Variants in SUMF1 observed in about 807,000 individuals in gnomAD.
SUMF1 encodes the protein sulfatase modifying factor 1.
A neutral mutation model predicts 47.6 loss-of-function variants in SUMF1; 48 were observed. The ratio of observed to expected loss-of-function variants is 1.01; its 90% CI spans 0.80 to 1.28. SUMF1 has a LOEUF of 1.28. Among genes scored for constraint, SUMF1 ranks in the 50% most tolerant of loss-of-function variants. The pLI is 0.00. For synonymous variants in SUMF1, 230 were observed against 192.1 expected, an observed-to-expected ratio of 1.20 and a Z score of -1.63; for missense variants, 571 against 485.4, an observed-to-expected ratio of 1.18 and a Z score of -1.66.
chr3:4,091,048 T>G (rs1428137382), intron 8 of SUMF1, among the ~76,000 whole-genome samples: 6 of 150,946 alleles, frequency 4.0e-5, no homozygotes, highest in Admixed American at 2.0e-4. Context: ...TCCACTGCAC[T>G]CCAGCCTGGG....
intron 8 of SUMF1, among the ~76,000 whole-genome samples, chr3:4,266,392 C>T (rs557873665): frequency 0.012 from 1,794 of 152,166 alleles, 31 homozygotes; most frequent in African/African-American, 0.041. Flanking sequence ...TGTTTGTATC[C>T]TCTTTTATCT....
intron 4 of SUMF1, among the ~76,000 whole-genome samples, chr3:4,418,872 T>G (rs891576586): frequency 1.3e-5 from 2 of 152,202 alleles, no homozygotes; most frequent in African/African-American, 4.8e-5. Flanking sequence ...GGGGATAGAC[T>G]CATTCACCCA....
At chr3:4,235,682 C>A (rs1242815) in intron 8 of SUMF1, among the ~76,000 whole-genome samples, 3 of 151,856 alleles carry the variant, frequency 2.0e-5, no homozygotes, top group Non-Finnish European at 4.4e-5. Context: ...CTGGACATTC[C>A]TAGAGAACCT....
At chr3:4,141,023 C>G (rs1035663994) in intron 8 of SUMF1, among the ~76,000 whole-genome samples, 1 of 152,106 alleles carries the variant, frequency 6.6e-6, no homozygotes, top group Non-Finnish European at 1.5e-5. Flanking sequence ...AATACATTCA[C>G]TTGTTGACCT....
chr3:4,069,402 G>A (rs1382111049), intron 8 of SUMF1, among the ~76,000 whole-genome samples: 2 of 152,154 alleles, frequency 1.3e-5, no homozygotes, highest in Non-Finnish European at 1.5e-5. Context: ...CAGCTGTCAT[G>A]GTCCTGAAAT....
At chr3:4,163,394 G>A (rs190884623) in intron 8 of SUMF1, among the ~76,000 whole-genome samples, 17 of 22,778 alleles carry the variant, frequency 7.5e-4, no homozygotes, top group East Asian at 5.6e-3. Flanking sequence ...GAGGGAGGGA[G>A]GGAGGGAGGG....
intron 8 of SUMF1, among the ~76,000 whole-genome samples, chr3:4,096,592 A>C (rs1283680932): frequency 6.6e-6 from 1 of 152,120 alleles, no homozygotes; most frequent in Non-Finnish European, 1.5e-5. Flanking sequence ...TTAAGTAAGG[A>C]CTAGTCCACA....
chr3:4,131,678 G>A (rs1425910905), intron 8 of SUMF1, among the ~76,000 whole-genome samples: 3 of 152,282 alleles, frequency 2.0e-5, no homozygotes, highest in South Asian at 2.1e-4. Context: ...GAAAATTGGT[G>A]ACAAAGAAAT....
At chr3:4,214,352 A>C (rs542975544) in intron 8 of SUMF1, among the ~76,000 whole-genome samples, 28 of 152,342 alleles carry the variant, frequency 1.8e-4, no homozygotes, top group Middle Eastern at 3.4e-3. Context: ...ATGTTCTTTG[A>C]AACCAATGAG....
intron 9 of SUMF1, among the ~76,000 whole-genome samples, chr3:4,061,303 A>T (rs1041607859): frequency 6.6e-6 from 1 of 152,126 alleles, no homozygotes; most frequent in Non-Finnish European, 1.5e-5. Context: ...AAAACCAACC[A>T]TCAGGACTCC....
intron 9 of SUMF1, among the ~76,000 whole-genome samples, chr3:4,035,914 G>A (rs1694785105): frequency 6.6e-6 from 1 of 152,088 alleles, no homozygotes; most frequent in Non-Finnish European, 1.5e-5. Context: ...GGGGTGAGTG[G>A]ACAGGGTTGA....
At chr3:4,126,308 A>T (rs1445901881) in intron 8 of SUMF1, among the ~76,000 whole-genome samples, 1 of 151,646 alleles carries the variant, frequency 6.6e-6, no homozygotes, top group Non-Finnish European at 1.5e-5. Context: ...AAGTTTAAAA[A>T]TAATATTTCT....
intron 1 of SUMF1, among the ~76,000 whole-genome samples, chr3:4,456,863 T>TATATATATACGTGTGTGTGTATATATAC (rs2079646886): frequency 7.3e-5 from 1 of 13,688 alleles, no homozygotes; most frequent in African/African-American, 2.8e-4. Context: ...TATATATATG[T>TATATATATACGTGTGTGTGTATATATAC]GTGTGTATAT....
chr3:4,335,371 A>C (rs1699126048), intron 8 of SUMF1, among the ~76,000 whole-genome samples: 1 of 152,198 alleles, frequency 6.6e-6, no homozygotes, highest in Non-Finnish European at 1.5e-5. Flanking sequence ...GAGAAGTGAT[A>C]GCCAGCTGAC....
chr3:4,104,210 G>A (rs1420932415), intron 8 of SUMF1, among the ~76,000 whole-genome samples: 1 of 152,002 alleles, frequency 6.6e-6, no homozygotes, highest in East Asian at 1.9e-4. Context: ...AGTCTTACAA[G>A]ATCTGATGGT....
At chr3:4,101,746 C>T (rs1693038179) in intron 8 of SUMF1, among the ~76,000 whole-genome samples, 1 of 152,034 alleles carries the variant, frequency 6.6e-6, no homozygotes, top group South Asian at 2.1e-4. Flanking sequence ...ATCCACAGAA[C>T]TCTGTTATCA....
chr3:4,410,719 T>A (rs1701511697), intron 7 of SUMF1, 146 bp downstream of exon 7: 8 of 744,272 alleles, frequency 1.1e-5, no homozygotes, highest in Middle Eastern at 3.0e-4. Context: ...ATAAGAAACA[T>A]GCGCTTAATG....
chr3:4,195,935 A>C (rs1291591865), intron 8 of SUMF1, among the ~76,000 whole-genome samples: 2 of 152,126 alleles, frequency 1.3e-5, no homozygotes, highest in Non-Finnish European at 2.9e-5. Flanking sequence ...TAAGATTACA[A>C]GGAAACAGTA....
intron 8 of SUMF1, among the ~76,000 whole-genome samples, chr3:4,117,495 A>G (rs1693447791): frequency 6.6e-6 from 1 of 152,112 alleles, no homozygotes; most frequent in Non-Finnish European, 1.5e-5. Flanking sequence ...TTGTTTTCTT[A>G]GTTCTCTTCC....
Sources: gnomAD v4.1 joint callset for allele counts (sites outside exome capture counted in the v4.1 genomes callset) on GRCh38, gnomAD v4.1.1 for gene constraint, MANE v1.5 for transcripts, NCBI Gene and HGNC (gene_info 2026-07-23, HGNC 2026-07-21) for gene names.